The following RABGAP1L variants were observed in gnomAD, a reference collection of about 807,000 sequenced individuals.
RABGAP1L encodes rab GTPase-activating protein 1-like.
RABGAP1L carries 63 observed loss-of-function variants against 137.7 expected under a neutral mutation model. The observed-to-expected ratio is 0.46, with a 90% CI of 0.37 to 0.56. The LOEUF (loss-of-function observed/expected upper bound fraction) is 0.56, where lower values mean the gene tolerates loss of function less well. RABGAP1L is among the 20% of genes least tolerant of loss of function. RABGAP1L has a pLI of 0.00. For synonymous variants in RABGAP1L, 431 were observed against 433.7 expected, an observed-to-expected ratio of 0.99 and a Z score of 0.08; for missense variants, 1,095 against 1,244.0, an observed-to-expected ratio of 0.88 and a Z score of 1.80.
At chr1:174,596,921 C>T (rs1669983301) in intron 13 of RABGAP1L, among the ~76,000 whole-genome samples, 1 of 151,986 alleles carries the variant, frequency 6.6e-6, no homozygotes, top group South Asian at 2.1e-4. Flanking sequence ...TAAATTTAAT[C>T]ATGAAGAGAT....
intron 14 of RABGAP1L, among the ~76,000 whole-genome samples, chr1:174,659,598 A>T (rs972741023): frequency 6.6e-6 from 1 of 152,116 alleles, no homozygotes; most frequent in African/African-American, 2.4e-5. Context: ...CATTTATTGC[A>T]TTGGTAGCCT....
chr1:174,702,998 A>T (rs1679773777), intron 17 of RABGAP1L, among the ~76,000 whole-genome samples: 1 of 152,212 alleles, frequency 6.6e-6, no homozygotes, highest in Admixed American at 6.5e-5. Context: ...TATATAAAAT[A>T]TAGCTATCTT....
chr1:174,713,960 T>G (rs1483582931), intron 17 of RABGAP1L, among the ~76,000 whole-genome samples: 1 of 152,192 alleles, frequency 6.6e-6, no homozygotes, highest in Non-Finnish European at 1.5e-5. Context: ...CATAACCGAT[T>G]ACACTCCTCT....
At chr1:174,397,667 T>G (rs759948327) in intron 13 of RABGAP1L, among the ~76,000 whole-genome samples, 1 of 152,230 alleles carries the variant, frequency 6.6e-6, no homozygotes, top group Non-Finnish European at 1.5e-5. Flanking sequence ...CTCCTTGTTT[T>G]CACAAGATGG....
chr1:174,299,382 G>A (rs1677443968), intron 10 of RABGAP1L, among the ~76,000 whole-genome samples: 3 of 151,140 alleles, frequency 2.0e-5, no homozygotes, highest in Admixed American at 6.6e-5. Flanking sequence ...GTGTAGACAA[G>A]GGTAGGTGGC....
At chr1:174,815,114 A>G (rs1054095970) in intron 19 of RABGAP1L, among the ~76,000 whole-genome samples, 2 of 152,224 alleles carry the variant, frequency 1.3e-5, no homozygotes, top group Non-Finnish European at 2.9e-5. Context: ...AAAAACACTA[A>G]GACCTATCCC....
Position 174,416,019 on chromosome 1 carries a change from C to CATATAT in RABGAP1L, c.1710+21886_1710+21891dup, listed in dbSNP as rs143285036. Among the ~76,000 whole-genome samples, 68 of 129,092 alleles carry CATATAT rather than the reference C, an allele frequency of 5.3e-4. 5 individuals carry two copies. Among genetic ancestry groups the CATATAT allele is most frequent in the African/African-American group, 2.4e-3 (66 of 27,370 alleles). 84.7% of individuals were successfully genotyped at this position (129,092 alleles called of 152,430 possible). Reference sequence around the variant, plus strand: ...TTAAGGAATTTCCCTAGAAAATTTACATATATATATATATATACACACACA... The same window carrying CATATAT: ...TTAAGGAATTTCCCTAGAAAATTTACATATATATATATATATATATATACACACACA... On this transcript the variant is annotated intron_variant, in intron 13 of 25. Transcript: ENST00000681986.
At chr1:174,812,008 A>G (rs779389016) in intron 19 of RABGAP1L, 48 bp downstream of exon 19, 1 of 1,490,006 alleles carries the variant, frequency 6.7e-7, no homozygotes, top group African/African-American at 1.4e-5. Context: ...TGAGTGCAGA[A>G]TAATATGACA....
intron 1 of RABGAP1L, among the ~76,000 whole-genome samples, chr1:174,211,880 CAAAG>C (rs1347892322): frequency 5.9e-5 from 9 of 152,002 alleles, no homozygotes; most frequent in African/African-American, 9.7e-5. Flanking sequence ...TTAGAAGAGA[CAAAG>C]AAGATCACTG....
chr1:174,786,526 T>G (rs899671600), intron 18 of RABGAP1L, among the ~76,000 whole-genome samples: 8 of 152,212 alleles, frequency 5.3e-5, no homozygotes, highest in African/African-American at 1.7e-4. Flanking sequence ...GTTCACTGAT[T>G]CACTTCCAGA....
intron 18 of RABGAP1L, among the ~76,000 whole-genome samples, chr1:174,759,808 G>A (rs571600890): frequency 2.6e-5 from 4 of 152,124 alleles, no homozygotes; most frequent in Admixed American, 2.0e-4. Flanking sequence ...CAGATCTCAC[G>A]TGAACTCACT....
intron 13 of RABGAP1L, among the ~76,000 whole-genome samples, chr1:174,420,706 G>C (rs904778624): frequency 2.3e-5 from 3 of 130,664 alleles, no homozygotes; most frequent in Non-Finnish European, 4.6e-5. Flanking sequence ...ACGGAGTCTT[G>C]CTCTGTCACC....
intron 17 of RABGAP1L, among the ~76,000 whole-genome samples, chr1:174,744,847 A>C (rs1205389083): frequency 6.6e-6 from 1 of 152,210 alleles, no homozygotes; most frequent in Non-Finnish European, 1.5e-5. Context: ...TTTGATAAAA[A>C]TAATAGTTTC....
chr1:174,197,899 A>G (rs562928486), intron 1 of RABGAP1L, among the ~76,000 whole-genome samples: 1 of 152,302 alleles, frequency 6.6e-6, no homozygotes, highest in African/African-American at 2.4e-5. Flanking sequence ...AACCCATTTT[A>G]TATGAATGTG....
intron 12 of RABGAP1L, among the ~76,000 whole-genome samples, chr1:174,383,875 A>G (rs1571541007): frequency 6.6e-6 from 1 of 152,184 alleles, no homozygotes; most frequent in Non-Finnish European, 1.5e-5. Flanking sequence ...CATTTTGGAA[A>G]ATAGCATGGT....
intron 13 of RABGAP1L, among the ~76,000 whole-genome samples, chr1:174,441,268 A>C (rs1470466093): frequency 6.6e-6 from 1 of 151,990 alleles, no homozygotes; most frequent in Non-Finnish European, 1.5e-5. Context: ...TAAGATACCT[A>C]ATGACCCCGA....
chr1:174,179,995 A>AT (rs1666221213), intron 1 of RABGAP1L, among the ~76,000 whole-genome samples: 1 of 152,228 alleles, frequency 6.6e-6, no homozygotes. Context: ...TGGAGCAAAC[A>AT]TTTTTTAAAT....
intron 20 of RABGAP1L, chr1:174,964,821 A>AT: frequency 3.6e-6 from 5 of 1,398,648 alleles, no homozygotes; most frequent in Non-Finnish European, 4.6e-6. Flanking sequence ...TTAGAGTTAT[A>AT]TGACACTCAA....
At chr1:174,522,374 C>T (rs186568242) in intron 13 of RABGAP1L, among the ~76,000 whole-genome samples, 4 of 152,110 alleles carry the variant, frequency 2.6e-5, no homozygotes, top group South Asian at 2.1e-4. Flanking sequence ...CTCAGGTGTT[C>T]GAGACTAGCC....
Sources: allele counts gnomAD v4.1 joint callset (sites outside exome capture counted in the v4.1 genomes callset), GRCh38; gene constraint gnomAD v4.1.1; transcripts MANE v1.5; gene names NCBI Gene and HGNC (gene_info 2026-07-23, HGNC 2026-07-21).